The following TXLNB variants were observed in gnomAD, a reference collection of about 807,000 sequenced individuals.
The protein encoded by TXLNB is taxilin beta, also known as beta-taxilin.
TXLNB carries 37 observed loss-of-function variants against 57.4 expected under a neutral mutation model. The observed-to-expected ratio is 0.64, with a 90% CI of 0.50 to 0.85. The LOEUF (loss-of-function observed/expected upper bound fraction) is 0.85, where lower values mean the gene tolerates loss of function less well. Among genes scored for constraint, TXLNB ranks in the 40% least tolerant of loss-of-function variants. TXLNB has a pLI of 0.00. For missense variants in TXLNB, 848 were observed against 825.6 expected (o/e 1.03, Z -0.33); for synonymous variants, 302 against 309.6 (o/e 0.98, Z 0.26).
chr6:139,304,661 G>C, the TXLNB span, among the ~76,000 whole-genome samples: 1 of 152,040 alleles, frequency 6.6e-6, no homozygotes, highest in Non-Finnish European at 1.5e-5. Flanking sequence ...AGGTAGAGAG[G>C]GTTATCCAAG....
the TXLNB span, chr6:139,177,199 T>C: frequency 1.5e-6 from 1 of 656,382 alleles, no homozygotes; most frequent in Non-Finnish European, 2.6e-6. The surrounding 1 kb of genome is among the most constrained non-coding windows in gnomAD (Gnocchi z 4.9). Flanking sequence ...TAATTTCCTT[T>C]CTAATTTAAA....
chr6:139,190,901 C>CGA, the TXLNB span, among the ~76,000 whole-genome samples: 1 of 152,142 alleles, frequency 6.6e-6, no homozygotes, highest in Non-Finnish European at 1.5e-5. Context: ...CATAGCAGTG[C>CGA]TCCTGTGTGG....
At chr6:139,172,339 C>T in the TXLNB span, among the ~76,000 whole-genome samples, 21 of 152,316 alleles carry the variant, frequency 1.4e-4, no homozygotes, top group South Asian at 4.1e-4. Flanking sequence ...GCACAGCATG[C>T]GGGGCTGACA....
chr6:139,263,083 C>A (rs1047765397), intron 4 of TXLNB, among the ~76,000 whole-genome samples: 1 of 152,084 alleles, frequency 6.6e-6, no homozygotes, highest in Non-Finnish European at 1.5e-5. Flanking sequence ...CACAGTCACA[C>A]GATTTTGATC....
At chr6:139,166,001 G>A in the TXLNB span, 2 of 314,458 alleles carry the variant, frequency 6.4e-6, no homozygotes, top group African/African-American at 2.1e-5. Context: ...ATCGGTATGA[G>A]ACCGTCTATG....
At chr6:139,297,068 A>T in the TXLNB span, among the ~76,000 whole-genome samples, 59 of 152,082 alleles carry the variant, frequency 3.9e-4, no homozygotes, top group African/African-American at 1.4e-3. Flanking sequence ...TGCCTGTCCC[A>T]CTTACATCCA....
At chr6:139,193,241 C>CTTTT in the TXLNB span, among the ~76,000 whole-genome samples, 532 of 101,210 alleles carry the variant, frequency 5.3e-3, 12 homozygotes, top group African/African-American at 0.019. Context: ...CTTTGACCCT[C>CTTTT]TTTTTTTTTT....
At chr6:139,163,124 A>C in the TXLNB span, among the ~76,000 whole-genome samples, 1 of 152,134 alleles carries the variant, frequency 6.6e-6, no homozygotes, top group Non-Finnish European at 1.5e-5. Flanking sequence ...TATTGCATCC[A>C]GTGAATTCTT....
chr6:139,224,642 T>G, the TXLNB span, among the ~76,000 whole-genome samples: 1 of 151,878 alleles, frequency 6.6e-6, no homozygotes, highest in Non-Finnish European at 1.5e-5. Flanking sequence ...AAAATTTAGA[T>G]GCAATAGATT....
chr6:139,277,053 T>C, intron 2 of TXLNB, 132 bp from the exon 3 acceptor site: 1 of 642,542 alleles, frequency 1.6e-6, no homozygotes, highest in Non-Finnish European at 2.6e-6. Context: ...AGATGTAATT[T>C]TCTTTCCTAT....
intron 9 of TXLNB, among the ~76,000 whole-genome samples, chr6:139,243,931 G>A (rs865926219): frequency 6.6e-6 from 1 of 152,234 alleles, no homozygotes; most frequent in Middle Eastern, 3.4e-3. Flanking sequence ...GCATGAAAAT[G>A]TTCCTAATTA....
chr6:139,162,981 GGA>G, the TXLNB span, among the ~76,000 whole-genome samples: 1 of 152,160 alleles, frequency 6.6e-6, no homozygotes, highest in Admixed American at 6.5e-5. Flanking sequence ...AGAGTTTCCT[GGA>G]GTCTCCCTGT....
chr6:139,174,497 T>C, the TXLNB span: 1 of 1,613,982 alleles, frequency 6.2e-7, no homozygotes, highest in South Asian at 1.1e-5. Context: ...AGCTGGGCAC[T>C]ATGTACACCT....
At chr6:139,258,724 C>G (rs1260693249) in intron 6 of TXLNB, among the ~76,000 whole-genome samples, 1 of 152,206 alleles carries the variant, frequency 6.6e-6, no homozygotes, top group Non-Finnish European at 1.5e-5. Flanking sequence ...TTTTACCTCT[C>G]TCTCACCCCA....
chr6:139,172,042 G>T, the TXLNB span, among the ~76,000 whole-genome samples: 1 of 152,078 alleles, frequency 6.6e-6, no homozygotes, highest in Non-Finnish European at 1.5e-5. Context: ...TGTTGGCCAG[G>T]CTGGTCTCAA....
chr6:139,166,400 C>G, the TXLNB span: 2 of 1,614,214 alleles, frequency 1.2e-6, no homozygotes, highest in Non-Finnish European at 1.7e-6. Context: ...CACCTGGATG[C>G]ACCTGCAGTG....
At chr6:139,167,805 C>T in the TXLNB span, among the ~76,000 whole-genome samples, 1 of 152,110 alleles carries the variant, frequency 6.6e-6, no homozygotes, top group African/African-American at 2.4e-5. Context: ...AAAAGGTAAA[C>T]AGGATTATTG....
intron 7 of TXLNB, among the ~76,000 whole-genome samples, chr6:139,255,010 C>T (rs550173265): frequency 3.9e-5 from 6 of 152,164 alleles, no homozygotes; most frequent in South Asian, 4.1e-4. Flanking sequence ...TTAATAGAGA[C>T]GGGGTTTCAC....
chr6:139,192,978 A>C, the TXLNB span, among the ~76,000 whole-genome samples: 6,761 of 148,410 alleles, frequency 0.046, 148 homozygotes, highest in African/African-American at 0.06. Context: ...CAAAAAACAA[A>C]AAAAAAAAAC....
Sources: allele counts gnomAD v4.1 joint callset (sites outside exome capture counted in the v4.1 genomes callset), GRCh38; gene constraint gnomAD v4.1.1; non-coding constraint Gnocchi (gnomAD v3.1); transcripts MANE v1.5; gene names NCBI Gene and HGNC (gene_info 2026-07-23, HGNC 2026-07-21).